LCMT1: variants seen among roughly 807,000 people sequenced by gnomAD.
LCMT1 encodes leucine carboxyl methyltransferase 1, also known as [Phosphatase 2A protein]-leucine-carboxy methyltransferase 1.
In LCMT1, 32 loss-of-function variants were observed where a neutral mutation model predicts 47.7. The ratio of observed to expected loss-of-function variants is 0.67; its 90% CI spans 0.51 to 0.90. The LOEUF (loss-of-function observed/expected upper bound fraction) is 0.90, where lower values mean the gene tolerates loss of function less well. Ranked by LOEUF, LCMT1 falls within the 40% of genes least tolerant of loss-of-function variation. The pLI, the probability that LCMT1 is intolerant of heterozygous loss-of-function variation, is 0.00. For missense variants in LCMT1, 375 were observed against 415.2 expected (o/e 0.90, Z 0.84); for synonymous variants, 152 against 149.7 (o/e 1.02, Z -0.11).
At chr16:25,152,399 G>T (rs1215891598) in intron 5 of LCMT1, among the ~76,000 whole-genome samples, 4 of 152,268 alleles carry the variant, frequency 2.6e-5, no homozygotes, top group Admixed American at 1.3e-4. Flanking sequence ...CTTGGTTCAG[G>T]TGGCTGGGGA....
intron 4 of LCMT1, chr16:25,143,160 G>A (rs953398502): frequency 1.3e-5 from 2 of 152,174 alleles, no homozygotes; most frequent in African/African-American, 2.4e-5. Flanking sequence ...AATCGATACT[G>A]TAATTTTTTA....
chr16:25,119,878 A>G (rs1399019876), intron 1 of LCMT1, among the ~76,000 whole-genome samples: 4 of 152,084 alleles, frequency 2.6e-5, no homozygotes, highest in African/African-American at 9.7e-5. Flanking sequence ...CTTGTCTATC[A>G]GGCCAGGCAC....
intron 4 of LCMT1, 51 bp downstream of exon 4, chr16:25,140,298 G>C: frequency 7.5e-7 from 1 of 1,328,270 alleles, no homozygotes; most frequent in Non-Finnish European, 1.1e-6. Context: ...TTCAGATCCA[G>C]CTCTCAAGAG....
intron 2 of LCMT1, among the ~76,000 whole-genome samples, chr16:25,129,852 GA>G (rs1317722364): frequency 6.6e-6 from 1 of 152,192 alleles, no homozygotes; most frequent in Admixed American, 6.6e-5. Context: ...CCTAAGGATG[GA>G]AATTGAGGAT....
At chr16:25,159,003 T>G (rs1327550165) in intron 5 of LCMT1, 1 of 152,158 alleles carries the variant, frequency 6.6e-6, no homozygotes, top group African/African-American at 2.4e-5. Context: ...ATGTACCTTG[T>G]GTACAACTTA....
At chr16:25,146,695 A>C (rs1250253701) in intron 4 of LCMT1, 2 of 152,148 alleles carry the variant, frequency 1.3e-5, no homozygotes, top group Non-Finnish European at 2.9e-5. Context: ...ATTTCCTTCT[A>C]ATGTCCGGAG....
In LCMT1 at chr16:25,171,898, G is replaced by A. The variant is rs1483481000; in HGVS notation, c.884+1093G>A. On this transcript the variant is annotated intron_variant, in intron 9 of 10. Transcript: ENST00000399069. ...ATTGATACATAGATTTCTATTTTTT[G>A]AATCTGTGGATTCATACTACACATA... Among the ~76,000 whole-genome samples the A allele has an allele frequency of 3.3e-5, 5 of 152,184 alleles. No individual in the cohort carries two copies. The East Asian group carries it at 5.8e-4, about 18-fold the overall frequency.
chr16:25,132,353 C>A, intron 2 of LCMT1, 49 bp from the exon 3 acceptor site: 1 of 1,606,776 alleles, frequency 6.2e-7, no homozygotes, highest in South Asian at 1.1e-5. Flanking sequence ...GGGATAATTT[C>A]TGTCATCACT....
intron 9 of LCMT1, chr16:25,174,732 A>T (rs896140178): frequency 1.2e-5 from 4 of 336,528 alleles, no homozygotes; most frequent in Admixed American, 5.0e-5. Context: ...CTAGTTTGGC[A>T]TTTGTATTTT....
intron 6 of LCMT1, among the ~76,000 whole-genome samples, chr16:25,163,995 TTCAG>T (rs1477573887): frequency 6.6e-6 from 1 of 152,030 alleles, no homozygotes; most frequent in Non-Finnish European, 1.5e-5. Flanking sequence ...TATTCTGGAG[TTCAG>T]TCAGGTGGAC....
At chr16:25,114,698 C>G (rs1479035634) in intron 1 of LCMT1, among the ~76,000 whole-genome samples, 2 of 152,170 alleles carry the variant, frequency 1.3e-5, no homozygotes, top group African/African-American at 2.4e-5. Context: ...CCCTCCCTCC[C>G]TTTGCCTTCA....
chr16:25,174,873 A>G (rs1961881575), intron 9 of LCMT1, 64 bp from the exon 10 acceptor site: 4 of 741,166 alleles, frequency 5.4e-6, no homozygotes, highest in East Asian at 5.9e-5. Flanking sequence ...ATCCGTAGCT[A>G]TGGGCCATGA....
At chr16:25,177,838 C>G (rs1961994583) in intron 10 of LCMT1, among the ~76,000 whole-genome samples, 163 bp from the exon 11 acceptor site, 1 of 152,180 alleles carries the variant, frequency 6.6e-6, no homozygotes, top group African/African-American at 2.4e-5. Context: ...CTTACCCAAC[C>G]TTTTGTTTCC....
At chr16:25,151,696 G>GTGTGT (rs1961086557) in intron 5 of LCMT1, 81 bp downstream of exon 5, 12 of 601,944 alleles carry the variant, frequency 2.0e-5, no homozygotes, top group African/African-American at 5.8e-5. Context: ...GTTTGTGTTG[G>GTGTGT]GTGTGTGTGT....
intron 1 of LCMT1, chr16:25,125,993 C>T: frequency 1.5e-6 from 2 of 1,338,858 alleles, no homozygotes; most frequent in Non-Finnish European, 2.0e-6. Context: ...CGACAGCACT[C>T]TCCTCCTCAC....
intron 1 of LCMT1, chr16:25,126,242 G>A (rs1465751057): frequency 2.9e-5 from 32 of 1,109,186 alleles, no homozygotes; most frequent in Admixed American, 5.6e-5. Context: ...CTGTGACCAC[G>A]GACAGGGTGC....
chr16:25,163,749 A>G (rs1209645437), intron 6 of LCMT1, among the ~76,000 whole-genome samples: 2 of 152,204 alleles, frequency 1.3e-5, no homozygotes, highest in African/African-American at 4.8e-5. Flanking sequence ...TTTTGTGTCA[A>G]TAAATACAGT....
intron 5 of LCMT1, among the ~76,000 whole-genome samples, chr16:25,155,141 A>G (rs1961213975): frequency 6.6e-6 from 1 of 152,242 alleles, no homozygotes; most frequent in African/African-American, 2.4e-5. Context: ...TGTTAGATGC[A>G]TCCTGATTTC....
At chr16:25,174,843 T>C (rs1473324776) in intron 9 of LCMT1, 94 bp from the exon 10 acceptor site, 2 of 509,724 alleles carry the variant, frequency 3.9e-6, no homozygotes, top group African/African-American at 4.0e-5. Flanking sequence ...CCACTTAATC[T>C]ATCATAAACA....
Sources: allele counts gnomAD v4.1 joint callset (sites outside exome capture counted in the v4.1 genomes callset), GRCh38; gene constraint gnomAD v4.1.1; transcripts MANE v1.5; gene names NCBI Gene and HGNC (gene_info 2026-07-23, HGNC 2026-07-21).